The following DSE variants were observed in gnomAD, a reference collection of about 807,000 sequenced individuals.
DSE encodes dermatan-sulfate epimerase.
DSE carries 36 observed loss-of-function variants against 84.4 expected under a neutral mutation model. That is an observed-to-expected ratio of 0.43 (90% CI 0.33 to 0.56). The LOEUF (loss-of-function observed/expected upper bound fraction) is 0.56, where lower values mean the gene tolerates loss of function less well. Among genes scored for constraint, DSE ranks in the 20% least tolerant of loss-of-function variants. The pLI is 0.06. For synonymous variants in DSE, 410 were observed against 430.1 expected (o/e 0.95, Z 0.58); for missense variants, 862 against 1,169.6 (o/e 0.74, Z 3.84).
chr6:116,436,621 A>G lies in DSE; in HGVS notation c.2153A>G (p.Lys718Arg). 2 of 1,614,152 alleles carry G rather than the reference A, an allele frequency of 1.2e-6. No homozygotes were observed. Among genetic ancestry groups the G allele is most frequent in the South Asian group, 1.1e-5 (1 of 91,074 alleles). ...GCACAGGTCATTGCTGATCGTCACA[A>G]AATTCTGTTTGACCGGAATTCAGCC... ...AFAQVIADRH[K>R]ILFDRNSAIK... The change falls in exon 6 of 6, where the codon AAA becomes AGA. Residue 718 changes from lysine to arginine, a missense_variant. By Grantham distance (26) the Lys-to-Arg change is conservative. Around this residue, in one of 4 missense-constraint regions of DSE, gnomAD observed 315 missense variants for 348.1 expected, o/e 0.90. Transcript: ENST00000644252.
chr6:116,273,825 TG>T, intron 2 of DSE, among the ~76,000 whole-genome samples: 2 of 92,086 alleles, frequency 2.2e-5, no homozygotes, highest in South Asian at 5.0e-4. Flanking sequence ...TCAAAAAGTA[TG>T]TTTTTTTGTT....
Position 116,433,351 on chromosome 6 carries a change from A to G in DSE, c.919A>G (p.Arg307Gly). The G allele has an allele frequency of 6.4e-7, 1 of 1,551,156 alleles. No individual in the cohort carries two copies. Reference sequence around the variant, plus strand: ...CCAACTTATTTCCCTAGGGTTTCAAAGGACTGTGGCTATTGCGGACTCAAA... The same window carrying G: ...CCAACTTATTTCCCTAGGGTTTCAAGGGACTGTGGCTATTGCGGACTCAAA... Reference protein sequence around the residue: ...MYRTILPGFQRTVAIADSNYN... With the variant: ...MYRTILPGFQGTVAIADSNYN... Residue 307 changes from arginine (R) to glycine (G), a missense_variant, in exon 5 of 6, where the codon AGG becomes GGG. Arg to Gly is a moderately radical substitution (Grantham distance 125, BLOSUM62 -2). Around this residue, in one of 4 missense-constraint regions of DSE, gnomAD observed 309 missense variants for 516.9 expected, o/e 0.60. Transcript: ENST00000644252.
chr6:116,389,392 C>T (rs1780755067), intron 1 of DSE, among the ~76,000 whole-genome samples: 1 of 151,472 alleles, frequency 6.6e-6, no homozygotes, highest in Admixed American at 6.6e-5. Context: ...TTTTTAAACA[C>T]TTACTATGAA....
chr6:116,287,226 A>T (rs924844890), intron 2 of DSE, among the ~76,000 whole-genome samples: 1 of 152,062 alleles, frequency 6.6e-6, no homozygotes, highest in Non-Finnish European at 1.5e-5. Flanking sequence ...GATAGCAGAG[A>T]GGATAGTATT....
At chr6:116,357,714 A>G (rs1778659266) in intron 2 of DSE, among the ~76,000 whole-genome samples, 1 of 152,142 alleles carries the variant, frequency 6.6e-6, no homozygotes, top group Non-Finnish European at 1.5e-5. Flanking sequence ...CCACAGAAAT[A>G]TTTGCTGCTC....
chr6:116,420,152 G>A (rs1320800297), intron 2 of DSE, among the ~76,000 whole-genome samples: 1 of 152,168 alleles, frequency 6.6e-6, no homozygotes, highest in East Asian at 1.9e-4. Flanking sequence ...ATAAGTATGA[G>A]TGATCTCTTG....
chr6:116,304,842 G>T (rs1434288404), intron 2 of DSE, among the ~76,000 whole-genome samples: 1 of 152,184 alleles, frequency 6.6e-6, no homozygotes, highest in Non-Finnish European at 1.5e-5. Flanking sequence ...CTGTGAGATG[G>T]TTGTCATTCT....
chr6:116,423,464 GA>G (rs1484282770), intron 2 of DSE, among the ~76,000 whole-genome samples: 1 of 152,166 alleles, frequency 6.6e-6, no homozygotes. Context: ...AAAGAACAAT[GA>G]AACTCCATCT....
At position 116,399,449 on chromosome 6, in the gene DSE, A is replaced by G. The variant is rs762575961; in HGVS notation, c.199A>G (p.Ile67Val). The change falls in exon 2 of 6, where the codon ATT (isoleucine) becomes GTT (valine). Residue 67 changes from isoleucine (I) to valine (V), a missense_variant. Around this residue, in one of 4 missense-constraint regions of DSE, gnomAD observed 309 missense variants for 516.9 expected, o/e 0.60. Coordinates refer to ENST00000644252, the MANE Select transcript of DSE (RefSeq NM_013352.4). Reference protein sequence around the residue: ...QLRAASSHEHIAARLTEAVHT... With the variant: ...QLRAASSHEHVAARLTEAVHT... Reference sequence around the variant, plus strand: ...CAGGGCTGCCAGCTCGCACGAGCACATTGCAGCCCGCCTCACGGAGGCTGT... The same window carrying G: ...CAGGGCTGCCAGCTCGCACGAGCACGTTGCAGCCCGCCTCACGGAGGCTGT... 4.3e-6 allele frequency: 7 copies of G among 1,614,240 alleles called. No individual in the cohort carries two copies. The South Asian group carries it at 4.4e-5, about 10-fold the overall frequency.
Position 116,411,036 on chromosome 6 carries a change from G to T in DSE, c.416+11370G>T, listed in dbSNP as rs181018229. The stretch of plus-strand genomic sequence containing the variant: ...TATAAATAATAAAGGTTTGGATTTG[G>T]ATATACAGAATTGAAGTGCCTGTGG... On this transcript the variant is annotated intron_variant, in intron 2 of 5. Coordinates refer to ENST00000644252, the MANE Select transcript of DSE (RefSeq NM_013352.4). Among the ~76,000 whole-genome samples, 225 of 152,164 alleles carry T rather than the reference G, an allele frequency of 1.5e-3. 1 individual carries two copies. Among genetic ancestry groups the T allele is most frequent in the Non-Finnish European group, 4.3e-4 (29 of 68,006 alleles).
chr6:116,377,470 G>GT (rs904065231), intron 1 of DSE, among the ~76,000 whole-genome samples: 55 of 151,740 alleles, frequency 3.6e-4, no homozygotes, highest in African/African-American at 4.1e-4. Context: ...TGTTGTGTAA[G>GT]TTTTTTTTTG....
chr6:116,382,789 G>A (rs183349489), intron 1 of DSE, among the ~76,000 whole-genome samples: 4 of 152,140 alleles, frequency 2.6e-5, no homozygotes, highest in Admixed American at 6.5e-5. Flanking sequence ...ATTTTTCCCC[G>A]CCCTACCCCC....
intron 2 of DSE, among the ~76,000 whole-genome samples, chr6:116,347,546 G>C (rs1275887422): frequency 6.6e-6 from 1 of 152,208 alleles, no homozygotes; most frequent in Non-Finnish European, 1.5e-5. Flanking sequence ...ATGGAGAAAA[G>C]ATTCCCTGTT....
chr6:116,300,873 C>A (rs1488683774), intron 2 of DSE, among the ~76,000 whole-genome samples: 3 of 152,144 alleles, frequency 2.0e-5, no homozygotes, highest in Admixed American at 6.5e-5. Flanking sequence ...AGAATAAATT[C>A]TTCTCAATTT....
chr6:116,368,550 T>C (rs1779299199), upstream of DSE, among the ~76,000 whole-genome samples: 1 of 152,262 alleles, frequency 6.6e-6, no homozygotes, highest in Non-Finnish European at 1.5e-5. Flanking sequence ...GTTCAGTGAT[T>C]CTCCAACTAA....
At chr6:116,352,441 G>C (rs571270553) in intron 2 of DSE, among the ~76,000 whole-genome samples, 1 of 152,192 alleles carries the variant, frequency 6.6e-6, no homozygotes, top group South Asian at 2.1e-4. Flanking sequence ...TCTCAATATG[G>C]TGCTGAATTT....
At position 116,440,966 on chromosome 6, in the gene DSE, A is replaced by G. The variant is rs985501549; in HGVS notation, c.*3621A>G. 2.6e-5 allele frequency: 4 copies of G among 152,126 alleles called. No homozygotes were observed. The highest frequency in any genetic ancestry group is 6.5e-5 in the Admixed American group (1 of 15,272). The allele number at this position is 152,126 out of a possible 1,614,324, so 9.4% of individuals were successfully genotyped here. A position where few individuals can be genotyped will look rare whatever the true frequency, so the allele number is the denominator to read the frequency against. ...GTATTCCCTGTCTGTGGCAAAGCCCATTGCCTTGATTCTCTTCTCTTTACT... is the reference window on the plus strand; with the variant it reads ...GTATTCCCTGTCTGTGGCAAAGCCCGTTGCCTTGATTCTCTTCTCTTTACT... On this transcript the variant is annotated 3_prime_UTR_variant, in exon 6 of 6. Transcript: ENST00000644252.
intron 1 of DSE, among the ~76,000 whole-genome samples, chr6:116,388,666 AATT>A (rs1229834618): frequency 6.6e-6 from 1 of 152,212 alleles, no homozygotes; most frequent in African/African-American, 2.4e-5. Flanking sequence ...AATTTTAAAA[AATT>A]ATATTTAAGT....
At chr6:116,331,644 G>A (rs1471940780) in intron 2 of DSE, among the ~76,000 whole-genome samples, 1 of 152,126 alleles carries the variant, frequency 6.6e-6, no homozygotes, top group East Asian at 1.9e-4. Context: ...CCTAATTAGT[G>A]TGGTAAGGAA....
Sources: allele counts gnomAD v4.1 joint callset (sites outside exome capture counted in the v4.1 genomes callset), GRCh38; gene constraint gnomAD v4.1.1; regional missense constraint gnomAD v4.1.1; transcripts MANE v1.5; gene names NCBI Gene and HGNC (gene_info 2026-07-23, HGNC 2026-07-21).